CHRM3: variants seen among roughly 807,000 people sequenced by gnomAD.
CHRM3 encodes cholinergic receptor muscarinic 3, also known as muscarinic acetylcholine receptor M3.
Under a neutral mutation model 41.8 loss-of-function variants are expected in CHRM3, and 11 were observed. The ratio of observed to expected loss-of-function variants is 0.26; its 90% confidence interval spans 0.17 to 0.44. CHRM3 has a LOEUF of 0.44. CHRM3 is among the 20% of genes least tolerant of loss of function. The pLI is 1.00. For missense variants in CHRM3, 571 were observed against 745.4 expected, an observed-to-expected ratio of 0.77 and a Z score of 2.72; for synonymous variants, 297 against 301.4, an observed-to-expected ratio of 0.99 and a Z score of 0.15.
rs115545197 is a variant in CHRM3, at chr1:239,662,004, G to A, written c.-249-16182G>A. Reference sequence around the variant, plus strand: ...CCATAAATAATAAATAAATAATAAAGCCTATTAATTAAAAAAAACAGAATA... The same window carrying A: ...CCATAAATAATAAATAAATAATAAAACCTATTAATTAAAAAAAACAGAATA... On this transcript the variant is annotated intron_variant, in intron 4 of 6. Coordinates refer to ENST00000676153, the MANE Select transcript of CHRM3 (RefSeq NM_001375978.1). 3.8e-3 allele frequency among the ~76,000 whole-genome samples: 578 copies of A among 151,580 alleles called. 4 individuals carry two copies. Among genetic ancestry groups the A allele is most frequent in the African/African-American group, 0.014 (558 of 41,280 alleles).
intron 5 of CHRM3, among the ~76,000 whole-genome samples, chr1:239,780,332 G>A (rs1578177): frequency 0.86 from 130,356 of 152,222 alleles, 56,055 homozygotes; most frequent in African/African-American, 0.9. Flanking sequence ...TCTAATAGGT[G>A]TGTAGTGGTA....
At chr1:239,600,464 GA>G (rs1665379907) in intron 3 of CHRM3, among the ~76,000 whole-genome samples, 1 of 152,030 alleles carries the variant, frequency 6.6e-6, no homozygotes, top group African/African-American at 2.4e-5. Flanking sequence ...CCTGGAAGAG[GA>G]ATGGAAACAA....
intron 6 of CHRM3, among the ~76,000 whole-genome samples, chr1:239,862,744 C>G (rs1675742800): frequency 1.3e-5 from 2 of 152,172 alleles, no homozygotes; most frequent in African/African-American, 4.8e-5. Context: ...AGATCATAGG[C>G]TCTGAATCAC....
At chr1:239,436,015 A>G (rs796923885) in intron 1 of CHRM3, among the ~76,000 whole-genome samples, 1 of 152,110 alleles carries the variant, frequency 6.6e-6, no homozygotes, top group Non-Finnish European at 1.5e-5. Context: ...TATATAGGGT[A>G]TTTTTTGAAA....
At chr1:239,609,221 G>T (rs755717202) in intron 3 of CHRM3, among the ~76,000 whole-genome samples, 1 of 152,158 alleles carries the variant, frequency 6.6e-6, no homozygotes, top group Non-Finnish European at 1.5e-5. Flanking sequence ...GCATTTTCAA[G>T]AATTTTAAAT....
intron 3 of CHRM3, among the ~76,000 whole-genome samples, chr1:239,553,572 G>A (rs571519051): frequency 6.6e-6 from 1 of 152,046 alleles, no homozygotes; most frequent in East Asian, 1.9e-4. Flanking sequence ...TGTAAATGCC[G>A]TGAAATCAAT....
chr1:239,874,285 GTATATATATATATATATA>G lies in CHRM3; in HGVS notation c.-19-33123_-19-33106del, dbSNP rs758413973. Among the ~76,000 whole-genome samples the G allele has an allele frequency of 1.5e-3, 126 of 83,256 alleles. 5 individuals are homozygous for G. The highest frequency in any genetic ancestry group is 6.4e-3 in the African/African-American group (105 of 16,438). 54.6% of individuals were successfully genotyped at this position (83,256 alleles called of 152,430 possible). On this transcript the variant is annotated intron_variant, in intron 6 of 6. Coordinates refer to ENST00000676153, the MANE Select transcript of CHRM3 (RefSeq NM_001375978.1). ...AGACCTATATATATCTATATACACAGTATATATATATATATATATATATATATATATATATATATATAC... is the reference window on the plus strand; with the variant it reads ...AGACCTATATATATCTATATACACAGTATATATATATATATATATATATAC...
chr1:239,674,533 C>T (rs1376375110), intron 4 of CHRM3, among the ~76,000 whole-genome samples: 1 of 151,728 alleles, frequency 6.6e-6, no homozygotes, highest in Non-Finnish European at 1.5e-5. Context: ...CACGGTGAAA[C>T]CCCATCTCTA....
chr1:239,884,592 G>A (rs773719425), intron 6 of CHRM3, among the ~76,000 whole-genome samples: 20 of 152,288 alleles, frequency 1.3e-4, no homozygotes, highest in Middle Eastern at 3.4e-3. Flanking sequence ...TCTCCTTAAC[G>A]AAGCTTTTTT....
intron 4 of CHRM3, among the ~76,000 whole-genome samples, chr1:239,651,776 G>T (rs2148970037): frequency 6.6e-6 from 1 of 152,234 alleles, no homozygotes; most frequent in Non-Finnish European, 1.5e-5. Context: ...CCTCTGCTTA[G>T]CAGCTCACTT....
chr1:239,423,837 C>T (rs573720886), intron 1 of CHRM3, among the ~76,000 whole-genome samples: 2 of 151,774 alleles, frequency 1.3e-5, no homozygotes, highest in African/African-American at 2.4e-5. Flanking sequence ...GGGTGGATCA[C>T]GAGGTCAGGA....
chr1:239,889,527 C>T (rs545307588), intron 6 of CHRM3, among the ~76,000 whole-genome samples: 9 of 152,094 alleles, frequency 5.9e-5, no homozygotes, highest in African/African-American at 1.7e-4. Context: ...GTTTGCAGCT[C>T]GATTTTTCAG....
chr1:239,690,029 A>AGACAG (rs1252196099), intron 5 of CHRM3, among the ~76,000 whole-genome samples: 1 of 146,584 alleles, frequency 6.8e-6, no homozygotes, highest in Non-Finnish European at 1.5e-5. Flanking sequence ...AGAGAGAGAG[A>AGACAG]GACAGAGAGA....
At chr1:239,562,418 C>T (rs967145205) in intron 3 of CHRM3, among the ~76,000 whole-genome samples, 9 of 152,088 alleles carry the variant, frequency 5.9e-5, no homozygotes, top group African/African-American at 2.2e-4. Context: ...AATCTAAACT[C>T]GTGGCTGGTG....
intron 1 of CHRM3, among the ~76,000 whole-genome samples, chr1:239,440,745 C>G (rs545595982): frequency 6.6e-6 from 1 of 152,306 alleles, no homozygotes; most frequent in East Asian, 1.9e-4. Flanking sequence ...GGTCTGAGTG[C>G]TCTGTTGTTC....
intron 6 of CHRM3, among the ~76,000 whole-genome samples, chr1:239,894,929 G>A (rs1024781332): frequency 1.3e-5 from 2 of 152,180 alleles, no homozygotes; most frequent in African/African-American, 4.8e-5. Flanking sequence ...AATTCAGGCT[G>A]TCTAGCACCT....
intron 2 of CHRM3, among the ~76,000 whole-genome samples, chr1:239,525,451 G>A (rs1417836297): frequency 8.7e-6 from 1 of 115,238 alleles, no homozygotes; most frequent in Admixed American, 8.2e-5. Flanking sequence ...TTTTCTTTTT[G>A]TTTCTTTTTT....
At chr1:239,859,744 A>G (rs942540984) in intron 6 of CHRM3, among the ~76,000 whole-genome samples, 2 of 150,096 alleles carry the variant, frequency 1.3e-5, no homozygotes, top group African/African-American at 2.4e-5. Context: ...AGATTTATTG[A>G]AAAATAAGTT....
At chr1:239,646,917 G>A (rs1442190623) in intron 4 of CHRM3, among the ~76,000 whole-genome samples, 2 of 152,066 alleles carry the variant, frequency 1.3e-5, no homozygotes, top group Non-Finnish European at 2.9e-5. Context: ...GCTTTTCTGG[G>A]GTAAGAAGAG....
Sources: allele counts gnomAD v4.1 joint callset (sites outside exome capture counted in the v4.1 genomes callset), GRCh38; gene constraint gnomAD v4.1.1; transcripts MANE v1.5; gene names NCBI Gene and HGNC (gene_info 2026-07-23, HGNC 2026-07-21).